SENP1: variants seen among roughly 807,000 people sequenced by gnomAD.
SENP1 encodes the protein sentrin-specific protease 1.
In SENP1, 21 loss-of-function variants were observed where a neutral mutation model predicts 93.0. The ratio of observed to expected loss-of-function variants is 0.23; its 90% confidence interval spans 0.16 to 0.33. The LOEUF is 0.33. Ranked by LOEUF, SENP1 falls within the 10% of genes least tolerant of loss-of-function variation. The pLI, the probability that SENP1 is intolerant of heterozygous loss-of-function variation, is 1.00. For synonymous variants in SENP1, 256 were observed against 259.6 expected (o/e 0.99, Z 0.13); for missense variants, 591 against 758.7 (o/e 0.78, Z 2.60).
intron 13 of SENP1, among the ~76,000 whole-genome samples, chr12:48,058,670 C>G (rs150448503): frequency 2.0e-5 from 3 of 152,216 alleles, no homozygotes; most frequent in African/African-American, 4.8e-5. Context: ...TGTTATAAAT[C>G]CCACAGTATG....
intron 4 of SENP1, among the ~76,000 whole-genome samples, chr12:48,092,465 C>T (rs971420829): frequency 2.6e-5 from 4 of 152,080 alleles, no homozygotes; most frequent in African/African-American, 7.2e-5. Context: ...AGACCACTGA[C>T]GTTCACAGAT....
chr12:48,083,484 G>A (rs912568201), intron 6 of SENP1, 107 bp downstream of exon 6: 35 of 865,554 alleles, frequency 4.0e-5, no homozygotes, highest in Non-Finnish European at 6.2e-5. Context: ...GCACAGGAAG[G>A]ATAAAATAGA....
intron 1 of SENP1, among the ~76,000 whole-genome samples, chr12:48,104,843 T>A (rs1329191543): frequency 1.3e-5 from 2 of 152,166 alleles, no homozygotes; most frequent in Admixed American, 1.3e-4. Context: ...ATGAAGACCA[T>A]CTTTGCAGTT....
chr12:48,090,330 A>G (rs1592449462), intron 4 of SENP1, among the ~76,000 whole-genome samples: 1 of 152,214 alleles, frequency 6.6e-6, no homozygotes, highest in Non-Finnish European at 1.5e-5. Flanking sequence ...CTAAATACAG[A>G]TATCTATCTG....
chr12:48,064,621 AT>A (rs2136956640), intron 12 of SENP1, among the ~76,000 whole-genome samples: 1 of 152,362 alleles, frequency 6.6e-6, no homozygotes, highest in East Asian at 1.9e-4. Flanking sequence ...GGTATATAAA[AT>A]AAGCGAAAGC....
chr12:48,064,679 G>T (rs1053352951), intron 12 of SENP1, among the ~76,000 whole-genome samples: 3 of 151,610 alleles, frequency 2.0e-5, no homozygotes, highest in Admixed American at 1.3e-4. Context: ...ATGGCTTTTT[G>T]TGTGTGTGTG....
intron 6 of SENP1, among the ~76,000 whole-genome samples, chr12:48,076,620 C>A (rs778437956): frequency 1.3e-5 from 2 of 151,436 alleles, no homozygotes. Flanking sequence ...GCATGAGCCA[C>A]AGCACCCAAT....
At chr12:48,072,874 G>C (rs1015487758) in intron 8 of SENP1, among the ~76,000 whole-genome samples, 4 of 151,968 alleles carry the variant, frequency 2.6e-5, no homozygotes, top group African/African-American at 9.7e-5. Context: ...ATCCACTGGT[G>C]GGGGGCGGGT....
chr12:48,105,710 T>TA (rs1946492034), intron 1 of SENP1: 1 of 487,714 alleles, frequency 2.1e-6, no homozygotes, highest in Non-Finnish European at 3.8e-6. Context: ...CAACCGGCCT[T>TA]TCCCCAAGTA....
intron 2 of SENP1, 115 bp from the exon 3 acceptor site, chr12:48,098,239 C>A (rs146331283): frequency 1.9e-6 from 2 of 1,057,404 alleles, no homozygotes; most frequent in African/African-American, 1.6e-5. Context: ...GTGTCTCATG[C>A]CTGTAATCCC....
chr12:48,077,186 CCT>C (rs1322525860), intron 6 of SENP1, among the ~76,000 whole-genome samples: 2 of 152,090 alleles, frequency 1.3e-5, no homozygotes, highest in Non-Finnish European at 2.9e-5. Flanking sequence ...AATATCAACC[CCT>C]TATAGAATGG....
intron 2 of SENP1, 153 bp from the exon 3 acceptor site, chr12:48,098,277 A>AC (rs1433438954): frequency 2.9e-6 from 1 of 341,602 alleles, no homozygotes; most frequent in African/African-American, 2.2e-5. Flanking sequence ...AGGCAGGAGG[A>AC]TTTTTTTGAG....
intron 13 of SENP1, chr12:48,055,212 G>T: frequency 5.2e-6 from 1 of 193,342 alleles, no homozygotes; most frequent in Non-Finnish European, 1.1e-5. Context: ...AGCACAACTT[G>T]TGTATCATAT....
chr12:48,101,115 G>A (rs1003625156), intron 2 of SENP1, among the ~76,000 whole-genome samples: 25 of 151,994 alleles, frequency 1.6e-4, no homozygotes, highest in Non-Finnish European at 8.8e-5. Flanking sequence ...GCGAAACCCC[G>A]TCTCTACTAA....
chr12:48,049,218 G>A (rs1941604761), intron 13 of SENP1, 86 bp from the exon 14 acceptor site: 1 of 952,368 alleles, frequency 1.1e-6, no homozygotes, highest in African/African-American at 1.6e-5. Context: ...AATAGCATAT[G>A]TAATTGTTTC....
chr12:48,046,591 C>CA, intron 16 of SENP1, 140 bp from the exon 17 acceptor site: 2 of 660,168 alleles, frequency 3.0e-6, no homozygotes, highest in Non-Finnish European at 5.3e-6. Context: ...GTCAGGACAA[C>CA]AGAGGCTCAA....
intron 2 of SENP1, chr12:48,099,295 T>C (rs118112324): frequency 0.021 from 3,220 of 152,204 alleles, 50 homozygotes; most frequent in South Asian, 0.056. Context: ...GTCACTGCAC[T>C]CCAGCCTGGG....
intron 6 of SENP1, among the ~76,000 whole-genome samples, chr12:48,077,226 G>A (rs888230403): frequency 6.6e-6 from 1 of 152,106 alleles, no homozygotes; most frequent in Non-Finnish European, 1.5e-5. Flanking sequence ...CAATCTGTAG[G>A]TTGTCTCTGC....
chr12:48,064,952 C>T (rs1943195029), intron 12 of SENP1, 113 bp downstream of exon 12: 1 of 742,788 alleles, frequency 1.3e-6, no homozygotes, highest in Non-Finnish European at 2.3e-6. Context: ...GATGGGATTA[C>T]AGGCGTGAGC....
Sources: gnomAD v4.1 joint callset for allele counts (sites outside exome capture counted in the v4.1 genomes callset) on GRCh38, gnomAD v4.1.1 for gene constraint, MANE v1.5 for transcripts, NCBI Gene and HGNC (gene_info 2026-07-23, HGNC 2026-07-21) for gene names.